Variants in CNOT7 observed in about 807,000 individuals in gnomAD.
CNOT7 encodes BTG1-binding factor 1.
CNOT7 carries 4 observed loss-of-function variants against 37.1 expected under a neutral mutation model. The ratio of observed to expected loss-of-function variants is 0.11; its 90% confidence interval spans 0.05 to 0.25. CNOT7 has a LOEUF of 0.25. Ranked by LOEUF, CNOT7 falls within the 10% of genes least tolerant of loss-of-function variation. The probability of loss-of-function intolerance (pLI) is 1.00; values close to 1 mark genes in which losing one functional copy is unlikely to be tolerated. For synonymous variants in CNOT7, 128 were observed against 115.6 expected, an observed-to-expected ratio of 1.11 and a Z score of -0.69; for missense variants, 170 against 336.2, an observed-to-expected ratio of 0.51 and a Z score of 3.87.
intron 5 of CNOT7, among the ~76,000 whole-genome samples, chr8:17,234,364 T>G (rs2150977592): frequency 6.6e-6 from 1 of 152,330 alleles, no homozygotes; most frequent in Non-Finnish European, 1.5e-5. Flanking sequence ...ACAGATTCTA[T>G]GCGTCTTGGG....
At chr8:17,239,651 C>T (rs1478519276) in intron 3 of CNOT7, among the ~76,000 whole-genome samples, 1 of 152,116 alleles carries the variant, frequency 6.6e-6, no homozygotes, top group Non-Finnish European at 1.5e-5. Context: ...ACCACCACAC[C>T]CAGCTAATTT....
chr8:17,230,021 A>C lies in CNOT7; in HGVS notation c.*699T>G, dbSNP rs887842634. ...GCTGGTTTGAAAATTCTTCAGTCAC[A>C]GAGCAGCCTACACATGCCAATTAGA... On this transcript the variant is annotated 3_prime_UTR_variant, in exon 7 of 7. Coordinates refer to ENST00000361272, the MANE Select transcript of CNOT7 (RefSeq NM_013354.7). 3.3e-5 allele frequency: 5 copies of C among 152,416 alleles called. No individual in the cohort carries two copies. Among genetic ancestry groups the C allele is most frequent in the African/African-American group, 1.2e-4 (5 of 41,438 alleles). 9.4% of individuals were successfully genotyped at this position (152,416 alleles called of 1,614,324 possible). A position where few individuals can be genotyped will look rare whatever the true frequency, so the allele number is the denominator to read the frequency against.
rs1808489747 is a variant in CNOT7, at chr8:17,230,597, A to C, written c.*123T>G. 1 of 706,004 alleles carries C rather than the reference A, an allele frequency of 1.4e-6. No individual in the cohort carries two copies. Among genetic ancestry groups the C allele is most frequent in the Non-Finnish European group, 2.2e-6 (1 of 454,480 alleles). The allele number at this position is 706,004 out of a possible 1,614,324, so 43.7% of individuals were successfully genotyped here. On this transcript the variant is annotated 3_prime_UTR_variant, in exon 7 of 7. Transcript: ENST00000361272. ...CATACTTAGTACTGAAAGGCAGACA[A>C]TAAAATGGGCCATGAAAGGGGGGGG...
rs1247541772 is a variant in CNOT7 at position 17,226,194 on chromosome 8, TTC to T, written c.*4524_*4525del. ...TCAAAATATTGAGTACAATTTTTTT[TTC>T]TTTTTTTAGTAATAGAGTTCTACTA... On this transcript the variant is annotated 3_prime_UTR_variant, in exon 7 of 7. Coordinates refer to ENST00000361272, the MANE Select transcript of CNOT7 (RefSeq NM_013354.7). The T allele has an allele frequency of 6.6e-6, 1 of 151,506 alleles. No homozygotes were observed. Among genetic ancestry groups the T allele is most frequent in the Non-Finnish European group, 1.5e-5 (1 of 67,598 alleles). 9.4% of individuals were successfully genotyped at this position (151,506 alleles called of 1,614,324 possible).
At chr8:17,231,294 C>T (rs1473438879) in intron 6 of CNOT7, among the ~76,000 whole-genome samples, 1 of 152,090 alleles carries the variant, frequency 6.6e-6, no homozygotes, top group African/African-American at 2.4e-5. Flanking sequence ...AACATTCACA[C>T]TCTATTACTG....
intron 6 of CNOT7, chr8:17,232,169 G>T (rs1563188173): frequency 6.7e-6 from 8 of 1,191,352 alleles, no homozygotes; most frequent in Non-Finnish European, 8.6e-6. Flanking sequence ...AATATGGTTG[G>T]ACCTACATGA....
chr8:17,232,157 A>G, intron 6 of CNOT7: 2 of 1,152,820 alleles, frequency 1.7e-6, no homozygotes, highest in Non-Finnish European at 2.2e-6. Context: ...CACCTGAGAA[A>G]TAATATGGTT....
chr8:17,245,484 C>T (rs1350646342), intron 1 of CNOT7, among the ~76,000 whole-genome samples: 2 of 152,168 alleles, frequency 1.3e-5, no homozygotes, highest in Non-Finnish European at 2.9e-5. Context: ...TTTACACATA[C>T]ATACTAATCA....
rs769671399 is a variant in CNOT7 at position 17,228,340 on chromosome 8, G to A, written c.*2380C>T. 4 of 151,818 alleles carry A rather than the reference G, an allele frequency of 2.6e-5. No homozygotes were observed. Among genetic ancestry groups the A allele is most frequent in the Non-Finnish European group, 5.9e-5 (4 of 67,804 alleles). The allele number at this position is 151,818 out of a possible 1,614,324, so 9.4% of individuals were successfully genotyped here. A position where few individuals can be genotyped will look rare whatever the true frequency, so the allele number is the denominator to read the frequency against. Reference sequence around the variant, plus strand: ...CTGGAACCTAGACTTTACAAACATTGAGACTGTCTGGAACAAAATAAAAAA... The same window carrying A: ...CTGGAACCTAGACTTTACAAACATTAAGACTGTCTGGAACAAAATAAAAAA... On this transcript the variant is annotated 3_prime_UTR_variant, in exon 7 of 7. Coordinates refer to ENST00000361272, the MANE Select transcript of CNOT7 (RefSeq NM_013354.7).
At chr8:17,234,526 T>A in intron 5 of CNOT7, 190 bp downstream of exon 5, 1 of 588,106 alleles carries the variant, frequency 1.7e-6, no homozygotes, top group Non-Finnish European at 3.0e-6. Context: ...CAAGACATAC[T>A]GAAGCTCTGA....
Position 17,230,678 on chromosome 8 carries a change from C to A in CNOT7, c.*42G>T, listed in dbSNP as rs1808497150. 1.3e-6 allele frequency: 2 copies of A among 1,559,720 alleles called. No individual in the cohort carries two copies. The highest frequency in any genetic ancestry group is 1.4e-5 in the African/African-American group (1 of 72,402). On this transcript the variant is annotated 3_prime_UTR_variant, in exon 7 of 7. Coordinates refer to ENST00000361272, the MANE Select transcript of CNOT7 (RefSeq NM_013354.7). ...ACCAGAGATAAAACCTATATACAAG[C>A]ATGTGTGTAGCTCGAAATAAAAATA...
chr8:17,227,513 C>G lies in CNOT7; in HGVS notation c.*3207G>C, dbSNP rs1808240869. 6.6e-6 allele frequency: 1 copy of G among 151,902 alleles called. No individual in the cohort carries two copies. The highest frequency in any genetic ancestry group is 2.4e-5 in the African/African-American group (1 of 41,428). The allele number at this position is 151,902 out of a possible 1,614,324, so 9.4% of individuals were successfully genotyped here. A position where few individuals can be genotyped will look rare whatever the true frequency, so the allele number is the denominator to read the frequency against. ...ATGTCTTTGGGTTGGTTACTATCTTCAAGCACGATGTAATTCAGCATTAGT... is the reference window on the plus strand; with the variant it reads ...ATGTCTTTGGGTTGGTTACTATCTTGAAGCACGATGTAATTCAGCATTAGT... On this transcript the variant is annotated 3_prime_UTR_variant, in exon 7 of 7. Transcript: ENST00000361272.
chr8:17,244,865 A>G (rs923783496), intron 2 of CNOT7, 171 bp downstream of exon 2: 7 of 581,590 alleles, frequency 1.2e-5, no homozygotes, highest in African/African-American at 1.9e-5. Context: ...CCAACCTGTC[A>G]AATCACAGGT....
intron 4 of CNOT7, among the ~76,000 whole-genome samples, chr8:17,236,194 T>G (rs1563196541): frequency 6.6e-6 from 1 of 152,190 alleles, no homozygotes; most frequent in African/African-American, 2.4e-5. Flanking sequence ...GTTGCCCACA[T>G]GAACAGTCCT....
At chr8:17,244,119 G>A (rs1480140045) in intron 2 of CNOT7, among the ~76,000 whole-genome samples, 1 of 152,172 alleles carries the variant, frequency 6.6e-6, no homozygotes, top group African/African-American at 2.4e-5. Flanking sequence ...GGTGTTGGGA[G>A]AGAAAGGATT....
chr8:17,227,021 A>AAAAAAATCATGGAAC lies in CNOT7; in HGVS notation c.*3698_*3699insGTTCCATGATTTTTT, dbSNP rs954348616. On this transcript the variant is annotated 3_prime_UTR_variant, in exon 7 of 7. Transcript: ENST00000361272. ...TCAGCTTCTGTTTCTCACAAAAAAA[A>AAAAAAATCATGGAAC]AAAAATCATGGAACTGAAGATGGTT... 2.0e-5 allele frequency: 3 copies of AAAAAAATCATGGAAC among 151,746 alleles called. No individual in the cohort carries two copies. The highest frequency in any genetic ancestry group is 4.2e-4 in the South Asian group (2 of 4,810). The allele number at this position is 151,746 out of a possible 1,614,324, so 9.4% of individuals were successfully genotyped here.
chr8:17,231,909 AC>A (rs1808678237), intron 6 of CNOT7: 1 of 986,576 alleles, frequency 1.0e-6, no homozygotes, highest in South Asian at 4.7e-5. Flanking sequence ...CCCTTTTAAG[AC>A]TCAATGCAGT....
rs573336162 is a variant in CNOT7, at chr8:17,246,756, T to A, written c.-177A>T. 1 of 184,574 alleles carries A rather than the reference T, an allele frequency of 5.4e-6. No individual in the cohort carries two copies. The highest frequency in any genetic ancestry group is 2.4e-5 in the African/African-American group (1 of 41,610). The allele number at this position is 184,574 out of a possible 1,614,324, so 11.4% of individuals were successfully genotyped here. A position where few individuals can be genotyped will look rare whatever the true frequency, so the allele number is the denominator to read the frequency against. On this transcript the variant is annotated 5_prime_UTR_variant, in exon 1 of 7. Transcript: ENST00000361272. ...GCGGCGGTGGCGGTGGCGGTGGCGGTAGCGGCGGCGGCAGCGGGTGCCCCA... is the reference window on the plus strand; with the variant it reads ...GCGGCGGTGGCGGTGGCGGTGGCGGAAGCGGCGGCGGCAGCGGGTGCCCCA...
rs778095562 is a variant in CNOT7, at chr8:17,229,370, GACAA to G, written c.*1346_*1349del. On this transcript the variant is annotated 3_prime_UTR_variant, in exon 7 of 7. Transcript: ENST00000361272. ...TCATGAATAAAGAATGTACAAGGGA[GACAA>G]ACCAATGTGACTAACATTTGGAGAT... The G allele has an allele frequency of 6.6e-6, 1 of 152,292 alleles. No individual in the cohort carries two copies. Among genetic ancestry groups the G allele is most frequent in the Non-Finnish European group, 1.5e-5 (1 of 67,812 alleles). 9.4% of individuals were successfully genotyped at this position (152,292 alleles called of 1,614,324 possible). A position where few individuals can be genotyped will look rare whatever the true frequency, so the allele number is the denominator to read the frequency against.
Sources: allele counts gnomAD v4.1 joint callset (sites outside exome capture counted in the v4.1 genomes callset), GRCh38; gene constraint gnomAD v4.1.1; transcripts MANE v1.5; gene names NCBI Gene and HGNC (gene_info 2026-07-23, HGNC 2026-07-21).